The following KCNC2 variants were observed in gnomAD, a reference collection of about 807,000 sequenced individuals.
The protein encoded by KCNC2 is voltage-gated potassium channel KCNC2.
KCNC2 carries 21 observed loss-of-function variants against 44.5 expected under a neutral mutation model. The observed-to-expected ratio is 0.47, with a 90% CI of 0.33 to 0.68. KCNC2 has a LOEUF of 0.68. Among genes scored for constraint, KCNC2 ranks in the 30% least tolerant of loss-of-function variants. The pLI is 0.01. For synonymous variants in KCNC2, 391 were observed against 339.1 expected (o/e 1.15, Z -1.68); for missense variants, 589 against 826.2 (o/e 0.71, Z 3.52).
Position 75,208,014 on chromosome 12 carries a change from C to A in KCNC2, c.-19-12G>T. ...TGACTCAGACATGACTAGGGGGAGG[C>A]AAACACAGCGCCGAGTTAAAGATCT... On this transcript the variant is annotated splice_polypyrimidine_tract_variant and intron_variant, in intron 1 of 4. Transcript: ENST00000549446. 6.2e-7 allele frequency: 1 copy of A among 1,609,724 alleles called. No individual in the cohort carries two copies. Among genetic ancestry groups the A allele is most frequent in the East Asian group, 2.2e-5 (1 of 44,558 alleles).
At chr12:75,074,148 A>G (rs1030645748) in intron 2 of KCNC2, among the ~76,000 whole-genome samples, 35 of 152,206 alleles carry the variant, frequency 2.3e-4, no homozygotes, top group African/African-American at 7.7e-4. Context: ...AAAAAAAAGG[A>G]AAATATTCTA....
intron 2 of KCNC2, among the ~76,000 whole-genome samples, chr12:75,177,652 A>T (rs1364833618): frequency 6.6e-6 from 1 of 152,010 alleles, no homozygotes; most frequent in Non-Finnish European, 1.5e-5. Context: ...TTACATCCAG[A>T]TATAATATCA....
At chr12:75,074,997 A>G (rs536062098) in intron 2 of KCNC2, among the ~76,000 whole-genome samples, 1 of 152,338 alleles carries the variant, frequency 6.6e-6, no homozygotes, top group East Asian at 1.9e-4. Flanking sequence ...AAGGGACAGA[A>G]ATATGAAACA....
intron 2 of KCNC2, among the ~76,000 whole-genome samples, chr12:75,051,542 T>C (rs1261851750): frequency 6.6e-6 from 1 of 152,144 alleles, no homozygotes; most frequent in Non-Finnish European, 1.5e-5. Flanking sequence ...ATACAAAGGT[T>C]TGCTTTATGT....
At chr12:75,190,938 T>C (rs1322050422) in intron 2 of KCNC2, among the ~76,000 whole-genome samples, 1 of 151,954 alleles carries the variant, frequency 6.6e-6, no homozygotes, top group Non-Finnish European at 1.5e-5. Context: ...ATATGGCATA[T>C]CCACAAATAA....
chr12:75,080,758 C>T (rs1031354363), intron 2 of KCNC2, among the ~76,000 whole-genome samples: 5 of 151,992 alleles, frequency 3.3e-5, no homozygotes, highest in Admixed American at 3.3e-4. Flanking sequence ...TTTCTTTCCA[C>T]GTCATTCTCT....
At chr12:75,095,840 G>T (rs565825909) in intron 2 of KCNC2, among the ~76,000 whole-genome samples, 1 of 151,722 alleles carries the variant, frequency 6.6e-6, no homozygotes, top group African/African-American at 2.4e-5. Context: ...AAATTTTCCT[G>T]ATCTTGACTT....
chr12:75,095,126 G>A (rs1269862393), intron 2 of KCNC2, among the ~76,000 whole-genome samples: 1 of 151,790 alleles, frequency 6.6e-6, no homozygotes, highest in Non-Finnish European at 1.5e-5. Flanking sequence ...ACTGATAACA[G>A]AGAAACTGTA....
chr12:75,083,162 G>A (rs1370061755), intron 2 of KCNC2, among the ~76,000 whole-genome samples: 1 of 151,112 alleles, frequency 6.6e-6, no homozygotes, highest in Non-Finnish European at 1.5e-5. Context: ...GTTAAAAAAA[G>A]TACTTTAAAA....
chr12:75,169,792 A>G (rs1891692106), intron 2 of KCNC2, among the ~76,000 whole-genome samples: 1 of 151,692 alleles, frequency 6.6e-6, no homozygotes, highest in Non-Finnish European at 1.5e-5. Context: ...ATTATTTGCA[A>G]ACAAGCATCT....
In KCNC2 at chr12:75,043,296, C is replaced by G. The variant is rs966444436; in HGVS notation, c.1781-55G>C. On this transcript the variant is annotated intron_variant, in intron 4 of 4. Coordinates refer to ENST00000549446, the MANE Select transcript of KCNC2 (RefSeq NM_139137.4). ...TGAATTCAACCAGAATATAGACAGA[C>G]AAATAATACCATGCAGGGCAATCAA... The G allele has an allele frequency of 1.1e-5, 17 of 1,600,272 alleles. No homozygotes were observed. The East Asian group carries it at 3.6e-4, about 34-fold the overall frequency.
At chr12:75,065,767 G>A (rs1157231346) in intron 2 of KCNC2, among the ~76,000 whole-genome samples, 1 of 152,046 alleles carries the variant, frequency 6.6e-6, no homozygotes, top group Non-Finnish European at 1.5e-5. Context: ...TTACCTAATG[G>A]TGCATTTCTC....
chr12:75,190,259 C>T (rs1331833327), intron 2 of KCNC2, among the ~76,000 whole-genome samples: 1 of 152,184 alleles, frequency 6.6e-6, no homozygotes, highest in Admixed American at 6.6e-5. Flanking sequence ...TAGCCCTCTA[C>T]CTCTGGTCAT....
intron 2 of KCNC2, among the ~76,000 whole-genome samples, chr12:75,127,014 G>C (rs1465432507): frequency 6.6e-6 from 1 of 152,096 alleles, no homozygotes; most frequent in African/African-American, 2.4e-5. Context: ...TGTTAAATGT[G>C]CCCTGGTCTA....
At chr12:75,170,816 G>A (rs76259903) in intron 2 of KCNC2, among the ~76,000 whole-genome samples, 105 of 151,868 alleles carry the variant, frequency 6.9e-4, no homozygotes, top group African/African-American at 2.5e-3. Context: ...CAAAGCTTCT[G>A]CAAGTTAAAA....
intron 2 of KCNC2, among the ~76,000 whole-genome samples, chr12:75,190,359 C>G (rs1466677039): frequency 6.6e-6 from 1 of 152,270 alleles, no homozygotes; most frequent in African/African-American, 2.4e-5. Context: ...CACCCCTTAT[C>G]TCCTTTGGCT....
At chr12:75,175,782 A>G (rs1187668052) in intron 2 of KCNC2, among the ~76,000 whole-genome samples, 1 of 152,054 alleles carries the variant, frequency 6.6e-6, no homozygotes, top group Admixed American at 6.6e-5. Context: ...ATTTCACTGC[A>G]GCATAACGCA....
chr12:75,041,924 T>C lies in KCNC2; in HGVS notation c.*1181A>G, dbSNP rs965973020. On this transcript the variant is annotated 3_prime_UTR_variant, in exon 5 of 5. Transcript: ENST00000549446. ...ACATCTTACAGAGGCATTTCTGTGC[T>C]TCATGGAGACAGATGGCATATACAG... 2.6e-5 allele frequency: 26 copies of C among 998,146 alleles called. No homozygotes were observed. The highest frequency in any genetic ancestry group is 3.0e-5 in the Non-Finnish European group (25 of 838,712). 61.8% of individuals were successfully genotyped at this position (998,146 alleles called of 1,614,324 possible). A position where few individuals can be genotyped will look rare whatever the true frequency, so the allele number is the denominator to read the frequency against.
intron 2 of KCNC2, among the ~76,000 whole-genome samples, chr12:75,156,243 C>T (rs945026194): frequency 2.7e-5 from 4 of 146,808 alleles, no homozygotes; most frequent in Non-Finnish European, 6.0e-5. Context: ...ATCTGACTCT[C>T]GAAACATTTT....
Sources: gnomAD v4.1 joint callset for allele counts (sites outside exome capture counted in the v4.1 genomes callset) on GRCh38, gnomAD v4.1.1 for gene constraint, MANE v1.5 for transcripts, NCBI Gene and HGNC (gene_info 2026-07-23, HGNC 2026-07-21) for gene names.